Variants in IFT88 observed in about 807,000 individuals in gnomAD.
The protein encoded by IFT88 is intraflagellar transport 88.
Under a neutral mutation model 119.5 loss-of-function variants are expected in IFT88, and 74 were observed. That is an observed-to-expected ratio of 0.62 (90% confidence interval 0.51 to 0.75). The LOEUF (loss-of-function observed/expected upper bound fraction) is 0.75, where lower values mean the gene tolerates loss of function less well. Ranked by LOEUF, IFT88 falls within the 30% of genes least tolerant of loss-of-function variation. The pLI is 0.00. For missense variants in IFT88, 961 were observed against 977.7 expected (o/e 0.98, Z 0.23); for synonymous variants, 279 against 316.7 (o/e 0.88, Z 1.26).
At chr13:20,580,678 C>G (rs1167904035) in intron 2 of IFT88, among the ~76,000 whole-genome samples, 1 of 151,144 alleles carries the variant, frequency 6.6e-6, no homozygotes, top group African/African-American at 2.4e-5. Context: ...GATAGAGTCC[C>G]AGAAATGGAA....
chr13:20,584,507 G>A (rs1390315374), intron 3 of IFT88, among the ~76,000 whole-genome samples: 1 of 151,930 alleles, frequency 6.6e-6, no homozygotes, highest in Non-Finnish European at 1.5e-5. Context: ...AAACATTGGG[G>A]CTTAATTTAC....
At chr13:20,670,867 T>G in intron 23 of IFT88, 106 bp from the exon 24 acceptor site, 1 of 850,288 alleles carries the variant, frequency 1.2e-6, no homozygotes. Context: ...GATGGGTTAG[T>G]CCTAAGGGTA....
intron 20 of IFT88, among the ~76,000 whole-genome samples, chr13:20,648,419 TAA>T (rs1369151420): frequency 1.3e-5 from 2 of 152,042 alleles, no homozygotes; most frequent in East Asian, 3.9e-4. Context: ...ATAAATAAAA[TAA>T]GTTTGTATTG....
intron 7 of IFT88, among the ~76,000 whole-genome samples, chr13:20,595,812 G>A (rs2041543431): frequency 6.6e-6 from 1 of 152,088 alleles, no homozygotes; most frequent in Non-Finnish European, 1.5e-5. Context: ...GGCTGAGGAG[G>A]GAGGATCGCT....
intron 14 of IFT88, among the ~76,000 whole-genome samples, chr13:20,621,725 A>G (rs752983253): frequency 9.9e-5 from 15 of 152,058 alleles, no homozygotes; most frequent in Non-Finnish European, 1.5e-4. Context: ...GTTACAATCA[A>G]TGAACCAATA....
intron 22 of IFT88, among the ~76,000 whole-genome samples, chr13:20,662,427 G>T (rs2053967192): frequency 6.6e-6 from 1 of 152,120 alleles, no homozygotes; most frequent in South Asian, 2.1e-4. Flanking sequence ...AATAGAAAAA[G>T]AGGGAATACT....
chr13:20,580,457 C>T (rs182664344), intron 2 of IFT88, among the ~76,000 whole-genome samples: 126 of 152,078 alleles, frequency 8.3e-4, no homozygotes, highest in African/African-American at 2.9e-3. Flanking sequence ...GTGGAGGTGG[C>T]AGTGAGCCAA....
intron 23 of IFT88, among the ~76,000 whole-genome samples, chr13:20,664,888 G>A (rs2054405255): frequency 6.6e-6 from 1 of 152,064 alleles, no homozygotes; most frequent in Admixed American, 6.5e-5. Flanking sequence ...GACCATCCTG[G>A]CTAACACACT....
rs200491393 is a variant in IFT88 at position 20,621,526 on chromosome 13, TAAAAAAAAAA to T, written c.1200-4202_1200-4193del. Among the ~76,000 whole-genome samples, 83 of 130,794 alleles carry T rather than the reference TAAAAAAAAAA, an allele frequency of 6.3e-4. 1 individual carries two copies. Among genetic ancestry groups the T allele is most frequent in the Middle Eastern group, 4.0e-3 (1 of 252 alleles). 85.8% of individuals were successfully genotyped at this position (130,794 alleles called of 152,430 possible). A position where few individuals can be genotyped will look rare whatever the true frequency, so the allele number is the denominator to read the frequency against. ...TCAATTTTCCCAAAACCTGCTGAGA[TAAAAAAAAAA>T]AAAAAAAAAAAAAAAAAAAAAGACT... On this transcript the variant is annotated intron_variant, in intron 14 of 25. Coordinates refer to ENST00000351808, the MANE Select transcript of IFT88 (RefSeq NM_006531.5).
At position 20,662,335 on chromosome 13, in the gene IFT88, C is replaced by G. The variant is rs75789711; in HGVS notation, c.2069-1163C>G. ...AAAGGCCTACCGACCAAAAAAAGTC[C>G]AGGACCAGACAGATTCACAGCCAAA... is the stretch of plus-strand genomic sequence containing the variant. On this transcript the variant is annotated intron_variant, in intron 22 of 25. Transcript: ENST00000351808. 2.6e-3 allele frequency among the ~76,000 whole-genome samples: 397 copies of G among 151,936 alleles called. 17 individuals are homozygous for G. In the East Asian group the frequency reaches 0.065, roughly 25 times the overall value.
chr13:20,626,746 T>TA (rs1242837302), intron 15 of IFT88, among the ~76,000 whole-genome samples: 1 of 152,080 alleles, frequency 6.6e-6, no homozygotes, highest in Admixed American at 6.5e-5. Flanking sequence ...TGACACACAA[T>TA]CAGGAGGCTT....
At chr13:20,674,283 G>A (rs1246528521) in intron 24 of IFT88, among the ~76,000 whole-genome samples, 5 of 152,210 alleles carry the variant, frequency 3.3e-5, no homozygotes, top group East Asian at 1.9e-4. Flanking sequence ...ACTGATGAGG[G>A]GAATAACTAT....
At chr13:20,642,924 A>G (rs529704678) in intron 18 of IFT88, 1 of 151,740 alleles carries the variant, frequency 6.6e-6, no homozygotes, top group South Asian at 2.1e-4. Flanking sequence ...GATATCTAAT[A>G]TGTATAAAAT....
At chr13:20,635,641 G>A (rs774204268) in intron 16 of IFT88, among the ~76,000 whole-genome samples, 13 of 152,118 alleles carry the variant, frequency 8.5e-5, no homozygotes, top group African/African-American at 7.2e-5. Flanking sequence ...ACCAAACACC[G>A]CATGTTCTCA....
intron 22 of IFT88, 46 bp from the exon 23 acceptor site, chr13:20,663,452 T>TA: frequency 6.2e-7 from 1 of 1,600,680 alleles, no homozygotes; most frequent in East Asian, 2.3e-5. Flanking sequence ...TTTTAACAAA[T>TA]ATACTGTGCC....
chr13:20,673,071 T>C lies in IFT88; in HGVS notation c.2242+2032T>C, dbSNP rs181513514. Among the ~76,000 whole-genome samples, 117 of 152,272 alleles carry C rather than the reference T, an allele frequency of 7.7e-4. 2 individuals carry two copies. In the South Asian group the frequency reaches 0.021, roughly 27 times the overall value. ...AAATAACTGTCCCTTTAAGGAGTAATTGTCTTGAGTAACCCCTAAGGAAGT... is the reference window on the plus strand; with the variant it reads ...AAATAACTGTCCCTTTAAGGAGTAACTGTCTTGAGTAACCCCTAAGGAAGT... On this transcript the variant is annotated intron_variant, in intron 24 of 25. Transcript: ENST00000351808.
At chr13:20,639,859 G>A (rs1048175480) in intron 17 of IFT88, among the ~76,000 whole-genome samples, 3 of 139,904 alleles carry the variant, frequency 2.1e-5, no homozygotes, top group African/African-American at 7.9e-5. Flanking sequence ...CATGATCTCA[G>A]CTCACTGCAA....
intron 3 of IFT88, among the ~76,000 whole-genome samples, chr13:20,588,746 G>T (rs1423089030): frequency 2.0e-5 from 3 of 152,272 alleles, no homozygotes; most frequent in East Asian, 1.9e-4. Flanking sequence ...TCACTGGAGA[G>T]AATTTACTTT....
intron 24 of IFT88, among the ~76,000 whole-genome samples, chr13:20,673,222 C>G (rs942084339): frequency 1.3e-5 from 2 of 151,458 alleles, no homozygotes; most frequent in African/African-American, 2.4e-5. Context: ...ATGTTAAGTT[C>G]TCTGACCCTT....
Sources: allele counts gnomAD v4.1 joint callset (sites outside exome capture counted in the v4.1 genomes callset), GRCh38; gene constraint gnomAD v4.1.1; transcripts MANE v1.5; gene names NCBI Gene and HGNC (gene_info 2026-07-23, HGNC 2026-07-21).